Variants in NKAIN2 observed in about 807,000 individuals in gnomAD.
NKAIN2 encodes the protein sodium/potassium-transporting ATPase subunit beta-1-interacting protein 2.
NKAIN2 carries 14 observed loss-of-function variants against 32.6 expected under a neutral mutation model. The observed-to-expected ratio is 0.43, with a 90% CI of 0.28 to 0.67. NKAIN2 has a LOEUF of 0.67. Among genes scored for constraint, NKAIN2 ranks in the 30% least tolerant of loss-of-function variants. The probability of loss-of-function intolerance (pLI) is 0.17; values close to 1 mark genes in which losing one functional copy is unlikely to be tolerated. For missense variants in NKAIN2, 198 were observed against 258.3 expected (o/e 0.77, Z 1.60); for synonymous variants, 80 against 87.2 (o/e 0.92, Z 0.46).
intron 3 of NKAIN2, among the ~76,000 whole-genome samples, chr6:124,443,169 G>T (rs1775759819): frequency 6.6e-6 from 1 of 152,014 alleles, no homozygotes; most frequent in Non-Finnish European, 1.5e-5. Flanking sequence ...ACTCATGTGT[G>T]GGGCTCCTCA....
At chr6:124,777,946 T>TTC in intron 4 of NKAIN2, among the ~76,000 whole-genome samples, 1 of 112,944 alleles carries the variant, frequency 8.9e-6, no homozygotes, top group East Asian at 2.8e-4. Flanking sequence ...AGAAATCACA[T>TTC]TCACACACAC....
intron 2 of NKAIN2, among the ~76,000 whole-genome samples, chr6:124,326,027 C>CTG (rs375798913): frequency 6.6e-6 from 1 of 151,338 alleles, no homozygotes; most frequent in African/African-American, 2.4e-5. Flanking sequence ...ACTCCTGTTT[C>CTG]TGTGTGTGTG....
intron 4 of NKAIN2, among the ~76,000 whole-genome samples, chr6:124,761,035 C>G (rs561373353): frequency 2.0e-5 from 3 of 152,288 alleles, no homozygotes; most frequent in African/African-American, 7.2e-5. Context: ...TCAATTCCTT[C>G]TCTCATGTCT....
At chr6:124,791,461 A>T in intron 5 of NKAIN2, 62 bp downstream of exon 5, 1 of 1,119,518 alleles carries the variant, frequency 8.9e-7, no homozygotes, top group Non-Finnish European at 1.3e-6. Context: ...ACTGCCTCCT[A>T]CTTAGCCTTC....
intron 3 of NKAIN2, among the ~76,000 whole-genome samples, chr6:124,568,592 T>C (rs1289307048): frequency 1.3e-5 from 2 of 152,096 alleles, no homozygotes; most frequent in South Asian, 2.1e-4. Flanking sequence ...CAGGTTATTC[T>C]AGCCATTGAT....
At chr6:124,502,452 C>T (rs944310668) in intron 3 of NKAIN2, among the ~76,000 whole-genome samples, 71 of 152,294 alleles carry the variant, frequency 4.7e-4, no homozygotes, top group African/African-American at 1.7e-3. Context: ...AATTCTTCCA[C>T]ACATACTTTG....
chr6:124,310,710 GGT>G (rs1337632641), intron 2 of NKAIN2, among the ~76,000 whole-genome samples: 1 of 152,136 alleles, frequency 6.6e-6, no homozygotes, highest in African/African-American at 2.4e-5. Context: ...TGAAGTCAGA[GGT>G]GATGTTAGTG....
chr6:124,659,980 C>T (rs1784687870), intron 4 of NKAIN2, among the ~76,000 whole-genome samples: 1 of 152,098 alleles, frequency 6.6e-6, no homozygotes, highest in African/African-American at 2.4e-5. Context: ...AGTTTTAAAT[C>T]TAAAAGTGCT....
intron 1 of NKAIN2, among the ~76,000 whole-genome samples, chr6:124,272,288 G>C (rs1794830555): frequency 6.6e-6 from 1 of 152,162 alleles, no homozygotes; most frequent in African/African-American, 2.4e-5. Flanking sequence ...CCAGGGCTCT[G>C]CTGCTCTGTG....
chr6:123,869,532 T>C (rs1460344677), intron 1 of NKAIN2, among the ~76,000 whole-genome samples: 1 of 152,172 alleles, frequency 6.6e-6, no homozygotes, highest in African/African-American at 2.4e-5. Context: ...AAGAACACCA[T>C]GATTCGCCTG....
chr6:124,245,842 G>C (rs1016390175), intron 1 of NKAIN2, among the ~76,000 whole-genome samples: 3 of 152,052 alleles, frequency 2.0e-5, no homozygotes, highest in African/African-American at 7.2e-5. Context: ...TTAAGAGTAT[G>C]TATGTTATAA....
intron 4 of NKAIN2, among the ~76,000 whole-genome samples, chr6:124,726,120 G>A (rs973296255): frequency 2.6e-5 from 4 of 152,196 alleles, no homozygotes; most frequent in African/African-American, 4.8e-5. Flanking sequence ...AGGCGGCAGC[G>A]AGCCTGGGGG....
At chr6:124,087,445 A>G (rs182939461) in intron 1 of NKAIN2, among the ~76,000 whole-genome samples, 2 of 151,848 alleles carry the variant, frequency 1.3e-5, no homozygotes, top group Non-Finnish European at 2.9e-5. Context: ...AAGAAAAGGG[A>G]AAAAAAATGT....
At chr6:124,649,561 A>C (rs761593822) in intron 3 of NKAIN2, among the ~76,000 whole-genome samples, 1 of 152,294 alleles carries the variant, frequency 6.6e-6, no homozygotes, top group Middle Eastern at 3.4e-3. Context: ...CCAATTCTCT[A>C]CCATCTTTTT....
At chr6:124,490,863 A>T (rs894220613) in intron 3 of NKAIN2, among the ~76,000 whole-genome samples, 2 of 151,808 alleles carry the variant, frequency 1.3e-5, no homozygotes, top group African/African-American at 4.8e-5. Flanking sequence ...TATTATTCAA[A>T]ATTGATGATG....
At chr6:124,246,941 C>T (rs748249838) in intron 1 of NKAIN2, among the ~76,000 whole-genome samples, 32 of 152,014 alleles carry the variant, frequency 2.1e-4, no homozygotes, top group Non-Finnish European at 3.2e-4. Context: ...GTTTACAGGA[C>T]GGTATGCCTT....
chr6:124,442,758 G>T (rs1378384568), intron 3 of NKAIN2, among the ~76,000 whole-genome samples: 1 of 152,044 alleles, frequency 6.6e-6, no homozygotes, highest in African/African-American at 2.4e-5. Context: ...CTCTATGTTG[G>T]CATGGTCTTG....
rs146596436 is a variant in NKAIN2 at position 123,850,807 on chromosome 6, G to A, written c.54+46553G>A. On this transcript the variant is annotated intron_variant, in intron 1 of 6. Coordinates refer to ENST00000368417, the MANE Select transcript of NKAIN2 (RefSeq NM_001040214.3). ...TGTTATTAACTGTAGTCACCATGTT[G>A]TACAATAGGTTTCTTGAACTTAGTC... Among the ~76,000 whole-genome samples, 216 of 152,208 alleles carry A rather than the reference G, an allele frequency of 1.4e-3. 3 individuals carry two copies. Among genetic ancestry groups the A allele is most frequent in the East Asian group, 6.2e-3 (32 of 5,158 alleles).
chr6:124,812,779 T>G (rs1032236287), intron 5 of NKAIN2, among the ~76,000 whole-genome samples: 3 of 152,184 alleles, frequency 2.0e-5, no homozygotes, highest in South Asian at 2.1e-4. Flanking sequence ...GCAAACAAAT[T>G]TCTGAGAATC....
Sources: gnomAD v4.1 joint callset for allele counts (sites outside exome capture counted in the v4.1 genomes callset) on GRCh38, gnomAD v4.1.1 for gene constraint, MANE v1.5 for transcripts, NCBI Gene and HGNC (gene_info 2026-07-23, HGNC 2026-07-21) for gene names.